ESYT2: variants seen among roughly 807,000 people sequenced by gnomAD.
ESYT2 encodes the protein extended synaptotagmin 2, also known as extended synaptotagmin-2.
ESYT2 carries 54 observed loss-of-function variants against 107.2 expected under a neutral mutation model. That is an observed-to-expected ratio of 0.50 (90% confidence interval 0.40 to 0.63). ESYT2 has a LOEUF of 0.63. ESYT2 is among the 30% of genes least tolerant of loss of function. ESYT2 has a pLI of 0.00. For synonymous variants in ESYT2, 491 were observed against 434.1 expected (o/e 1.13, Z -1.63); for missense variants, 1,020 against 1,094.5 (o/e 0.93, Z 0.96).
chr7:158,752,801 C>A lies in ESYT2; in HGVS notation c.1462G>T (p.Ala488Ser). 7.7e-7 allele frequency: 1 copy of A among 1,304,152 alleles called. No homozygotes were observed. The highest frequency in any genetic ancestry group is 1.2e-5 in the South Asian group (1 of 81,018). 80.8% of individuals were successfully genotyped at this position (1,304,152 alleles called of 1,614,324 possible). Residue 488 changes from alanine to serine, a missense_variant, in exon 14 of 23, where the codon GCA (alanine) becomes TCA (serine). Transcript: ENST00000275418. ...TTTACCTTTAAAGCTCTCTGAACTG[C>A]AGTCTTCTTCAAGACATCGGGGTTA... ...EFNPDVLKKT[A>S]VQRALKSGKK... is the part of the protein sequence containing the mutation.
At chr7:158,760,794 C>T (rs1837935770) in intron 11 of ESYT2, among the ~76,000 whole-genome samples, 1 of 152,152 alleles carries the variant, frequency 6.6e-6, no homozygotes, top group Non-Finnish European at 1.5e-5. Flanking sequence ...CAAAGATGCT[C>T]CTCAAATGCT....
rs73525639 is a variant in ESYT2 at position 158,819,267 on chromosome 7, G to C, written c.330+9822C>G. ...AGACTTCTGCTTACAAAATTATCAT[G>C]TCTAATGAGTTCAAAAATAATTCAT... On this transcript the variant is annotated intron_variant, in intron 1 of 22. Transcript: ENST00000275418. 6.5e-3 allele frequency among the ~76,000 whole-genome samples: 995 copies of C among 152,302 alleles called. 16 individuals are homozygous for C. Among genetic ancestry groups the C allele is most frequent in the African/African-American group, 0.021 (880 of 41,556 alleles).
At chr7:158,753,600 T>A (rs1233661422) in intron 13 of ESYT2, among the ~76,000 whole-genome samples, 1 of 123,714 alleles carries the variant, frequency 8.1e-6, no homozygotes. Flanking sequence ...AAATGTTTAA[T>A]TTTTTTTTTT....
At chr7:158,741,489 G>A in intron 18 of ESYT2, 34 bp downstream of exon 18, 1 of 1,529,460 alleles carries the variant, frequency 6.5e-7, no homozygotes, top group Non-Finnish European at 8.7e-7. Flanking sequence ...CGCTTGCTCT[G>A]CTGGTGAGAA....
intron 1 of ESYT2, among the ~76,000 whole-genome samples, chr7:158,828,416 C>A (rs958843794): frequency 6.6e-6 from 1 of 152,254 alleles, no homozygotes; most frequent in Non-Finnish European, 1.5e-5. Context: ...GGAGACCCCG[C>A]GGGCGGCACC....
At chr7:158,809,348 C>A (rs192906181) in intron 1 of ESYT2, among the ~76,000 whole-genome samples, 6 of 151,832 alleles carry the variant, frequency 4.0e-5, no homozygotes, top group Admixed American at 2.0e-4. Context: ...TGGTGGCGTG[C>A]ATCTGTAGTC....
intron 1 of ESYT2, among the ~76,000 whole-genome samples, chr7:158,812,068 CAG>C (rs1840007709): frequency 6.6e-6 from 1 of 152,180 alleles, no homozygotes; most frequent in African/African-American, 2.4e-5. Flanking sequence ...GGCCTTACAG[CAG>C]AGAGTATCAG....
chr7:158,824,126 G>C (rs1489075323), intron 1 of ESYT2, among the ~76,000 whole-genome samples: 2 of 152,120 alleles, frequency 1.3e-5, no homozygotes, highest in African/African-American at 4.8e-5. Context: ...TGTTCTAACT[G>C]AAGGAGGTTC....
chr7:158,800,791 C>T (rs1211737816), intron 1 of ESYT2, among the ~76,000 whole-genome samples: 2 of 151,104 alleles, frequency 1.3e-5, no homozygotes, highest in Admixed American at 6.6e-5. Flanking sequence ...TGCAGTGGCA[C>T]GATCTCGACT....
intron 11 of ESYT2, among the ~76,000 whole-genome samples, chr7:158,761,218 T>G (rs774114311): frequency 1.3e-5 from 2 of 152,212 alleles, no homozygotes; most frequent in Non-Finnish European, 2.9e-5. Flanking sequence ...GATCGCATAT[T>G]TGTCTGCAAT....
intron 1 of ESYT2, among the ~76,000 whole-genome samples, chr7:158,800,693 T>C (rs1383002008): frequency 6.6e-6 from 1 of 151,224 alleles, no homozygotes; most frequent in Non-Finnish European, 1.5e-5. Flanking sequence ...CCCAGTCCAC[T>C]TTTTTTTAAA....
chr7:158,794,722 G>A (rs1445140314), intron 3 of ESYT2, among the ~76,000 whole-genome samples: 1 of 151,996 alleles, frequency 6.6e-6, no homozygotes, highest in East Asian at 1.9e-4. Flanking sequence ...GGTTGCAGTC[G>A]GTGGTGATCA....
intron 6 of ESYT2, among the ~76,000 whole-genome samples, chr7:158,776,000 T>C (rs1010817321): frequency 1.3e-5 from 2 of 152,216 alleles, no homozygotes; most frequent in Non-Finnish European, 2.9e-5. Context: ...AAACAGCATT[T>C]ACCTCCTTGT....
At position 158,741,909 on chromosome 7, in the gene ESYT2, A is replaced by G. The variant is rs755561121; in HGVS notation, c.1795-13T>C. 1.0e-4 allele frequency: 156 copies of G among 1,558,858 alleles called. 1 individual carries two copies. In the East Asian group the frequency reaches 3.4e-3, roughly 34 times the overall value. On this transcript the variant is annotated splice_polypyrimidine_tract_variant and intron_variant, in intron 17 of 22. Transcript: ENST00000275418. ...CGAGATGGAGCACCTAGAGGTGGAC[A>G]TAAACATAAAAATTAAACTTGGTGA...
chr7:158,829,031 A>G, intron 1 of ESYT2, 58 bp downstream of exon 1: 1 of 1,546,686 alleles, frequency 6.5e-7, no homozygotes, highest in Admixed American at 1.9e-5. Flanking sequence ...GCCTGCCTGG[A>G]CGAGGGGAGA....
At position 158,780,277 on chromosome 7, in the gene ESYT2, G is replaced by A. The variant is rs141337249; in HGVS notation, c.748-6881C>T. ...GGCTCCAAGCCCACTGCCTGCGACTGCAGTCATCACCTGAGGGCTTCCTTC... is the reference window on the plus strand; with the variant it reads ...GGCTCCAAGCCCACTGCCTGCGACTACAGTCATCACCTGAGGGCTTCCTTC... On this transcript the variant is annotated intron_variant, in intron 6 of 22. Transcript: ENST00000275418. Among the ~76,000 whole-genome samples, 430 of 152,356 alleles carry A rather than the reference G, an allele frequency of 2.8e-3. 1 individual carries two copies. The highest frequency in any genetic ancestry group is 0.01 in the African/African-American group (418 of 41,584).
intron 8 of ESYT2, 135 bp downstream of exon 8, chr7:158,767,519 G>GTCAATGCATCAAGACCC (rs1198686309): frequency 2.6e-6 from 3 of 1,135,596 alleles, no homozygotes; most frequent in Non-Finnish European, 3.7e-6. Flanking sequence ...ACAACCAATA[G>GTCAATGCATCAAGACCC]TCAATGCATC....
intron 6 of ESYT2, among the ~76,000 whole-genome samples, chr7:158,786,985 G>A (rs1003367394): frequency 1.3e-5 from 2 of 152,102 alleles, no homozygotes; most frequent in Non-Finnish European, 2.9e-5. Flanking sequence ...AGCCTTCTGC[G>A]GCAAAGAAAA....
At chr7:158,799,600 C>A (rs1260520592) in intron 1 of ESYT2, among the ~76,000 whole-genome samples, 3 of 152,082 alleles carry the variant, frequency 2.0e-5, no homozygotes. Flanking sequence ...TAGTGCTGCA[C>A]CCTAGTCTGG....
Sources: allele counts gnomAD v4.1 joint callset (sites outside exome capture counted in the v4.1 genomes callset), GRCh38; gene constraint gnomAD v4.1.1; transcripts MANE v1.5; gene names NCBI Gene and HGNC (gene_info 2026-07-23, HGNC 2026-07-21).